The following METAP2 variants were observed in gnomAD, a reference collection of about 807,000 sequenced individuals.
The protein encoded by METAP2 is methionyl aminopeptidase 2.
In METAP2, 25 loss-of-function variants were observed where a neutral mutation model predicts 59.4. That is an observed-to-expected ratio of 0.42 (90% CI 0.31 to 0.59). METAP2 has a LOEUF of 0.59. Ranked by LOEUF, METAP2 falls within the 20% of genes least tolerant of loss-of-function variation. The pLI, the probability that METAP2 is intolerant of heterozygous loss-of-function variation, is 0.16. For missense variants in METAP2, 366 were observed against 581.2 expected, an observed-to-expected ratio of 0.63 and a Z score of 3.81; for synonymous variants, 214 against 194.1, an observed-to-expected ratio of 1.10 and a Z score of -0.85.
At position 95,504,549 on chromosome 12, in the gene METAP2, C is replaced by T. The variant is rs374219451; in HGVS notation, c.964+388C>T. On this transcript the variant is annotated intron_variant, in intron 8 of 10. Transcript: ENST00000323666. ...TCTCGTTCCGTCATCCAGGCTGGAG[C>T]GCAGTGGTGCAACCAGAGCTCACTG... Among the ~76,000 whole-genome samples, 29 of 152,280 alleles carry T rather than the reference C, an allele frequency of 1.9e-4. No individual in the cohort carries two copies. In the East Asian group the frequency reaches 4.2e-3, roughly 22 times the overall value.
chr12:95,482,600 G>C (rs2076166840), intron 2 of METAP2, among the ~76,000 whole-genome samples: 1 of 143,482 alleles, frequency 7.0e-6, no homozygotes, highest in African/African-American at 2.7e-5. Flanking sequence ...TCAACATGGC[G>C]AAACTCCATC....
chr12:95,475,305 G>T (rs2076110058), intron 1 of METAP2, among the ~76,000 whole-genome samples: 3 of 152,198 alleles, frequency 2.0e-5, no homozygotes, highest in Admixed American at 6.5e-5. Flanking sequence ...GATAGGAATG[G>T]AAGGAGAGTT....
At chr12:95,494,908 A>G (rs1046628610) in intron 5 of METAP2, 49 bp from the exon 6 acceptor site, 1 of 1,497,476 alleles carries the variant, frequency 6.7e-7, no homozygotes, top group Non-Finnish European at 9.1e-7. Flanking sequence ...TTAATATATA[A>G]AAGTAAGAAT....
chr12:95,514,667 A>G lies in METAP2; in HGVS notation c.*763A>G, dbSNP rs1250253724. The G allele has an allele frequency of 2.0e-5, 3 of 152,188 alleles. No homozygotes were observed. The highest frequency in any genetic ancestry group is 4.4e-5 in the Non-Finnish European group (3 of 68,042). 9.4% of individuals were successfully genotyped at this position (152,188 alleles called of 1,614,324 possible). A position where few individuals can be genotyped will look rare whatever the true frequency, so the allele number is the denominator to read the frequency against. ...AACTCAAAACCTTGATTTAGTAAAA[A>G]TCTCAATGTTTAGATCCTTTGTCCA... On this transcript the variant is annotated 3_prime_UTR_variant, in exon 11 of 11. Coordinates refer to ENST00000323666, the MANE Select transcript of METAP2 (RefSeq NM_006838.4).
At chr12:95,498,998 A>G (rs2076296379) in intron 7 of METAP2, among the ~76,000 whole-genome samples, 2 of 149,598 alleles carry the variant, frequency 1.3e-5, no homozygotes, top group Admixed American at 6.9e-5. Flanking sequence ...CCTGGGTAAA[A>G]AAGCAAGACC....
chr12:95,481,343 T>A (rs2076156805), intron 2 of METAP2, among the ~76,000 whole-genome samples: 1 of 152,140 alleles, frequency 6.6e-6, no homozygotes, highest in South Asian at 2.1e-4. Context: ...TCTGGGAGAT[T>A]GAGGCTGCAG....
At position 95,474,294 on chromosome 12, in the gene METAP2, A is replaced by C. The variant is rs2076101356; in HGVS notation, c.115A>C (p.Arg39=). The C allele has an allele frequency of 6.2e-7, 1 of 1,614,158 alleles. No individual in the cohort carries two copies. The highest frequency in any genetic ancestry group is 8.5e-7 in the Non-Finnish European group (1 of 1,180,004). ...GGCTGAGGAAGCAGCCAAGAAAAAA[A>C]GACGAAAGAAGAAGAAGAGCAAAGG... ...STAEEAAKKK[R]RKKKKSKGPS... The change falls in exon 1 of 11, where the codon AGA becomes CGA. Residue 39 remains arginine (R), a synonymous_variant. Coordinates refer to ENST00000323666, the MANE Select transcript of METAP2 (RefSeq NM_006838.4).
At chr12:95,495,579 G>A (rs1038796192) in intron 6 of METAP2, among the ~76,000 whole-genome samples, 3 of 152,098 alleles carry the variant, frequency 2.0e-5, no homozygotes, top group Non-Finnish European at 4.4e-5. Context: ...TTACTTACAA[G>A]TGAGAAAGCA....
At chr12:95,508,824 G>A (rs2076380907) in intron 8 of METAP2, among the ~76,000 whole-genome samples, 1 of 152,098 alleles carries the variant, frequency 6.6e-6, no homozygotes, top group Non-Finnish European at 1.5e-5. Flanking sequence ...TTAAGCTAGT[G>A]CAGCATTTTT....
At chr12:95,512,062 T>C (rs909230293) in intron 9 of METAP2, 64 bp downstream of exon 9, 15 of 1,177,816 alleles carry the variant, frequency 1.3e-5, no homozygotes, top group Non-Finnish European at 1.9e-5. Flanking sequence ...CAGAAGGTCA[T>C]GGTAGTTAAA....
chr12:95,485,752 A>T, intron 3 of METAP2, 127 bp from the exon 4 acceptor site: 1 of 628,126 alleles, frequency 1.6e-6, no homozygotes, highest in Non-Finnish European at 2.6e-6. Flanking sequence ...TTCTGCTTTT[A>T]ACTGTGGCAG....
At chr12:95,480,862 G>GT in intron 2 of METAP2, among the ~76,000 whole-genome samples, 1 of 152,274 alleles carries the variant, frequency 6.6e-6, no homozygotes, top group Non-Finnish European at 1.5e-5. Context: ...CAATCTATCT[G>GT]TTTTTTAAAT....
intron 2 of METAP2, among the ~76,000 whole-genome samples, chr12:95,477,237 A>C (rs1164753424): frequency 6.6e-6 from 1 of 151,918 alleles, no homozygotes; most frequent in Admixed American, 6.6e-5. Flanking sequence ...AGCTGGGATT[A>C]CAGGCGCCTG....
chr12:95,511,028 T>C (rs1038174980), intron 8 of METAP2, among the ~76,000 whole-genome samples: 1 of 152,192 alleles, frequency 6.6e-6, no homozygotes, highest in African/African-American at 2.4e-5. Flanking sequence ...TGTTGAATGT[T>C]ATTCCCTCGT....
chr12:95,477,500 T>C (rs1372005769), intron 2 of METAP2, among the ~76,000 whole-genome samples: 1 of 152,214 alleles, frequency 6.6e-6, no homozygotes, highest in Non-Finnish European at 1.5e-5. Flanking sequence ...CTTCTGGGTG[T>C]TTGGGTACAA....
rs931038870 is a variant in METAP2 at position 95,484,711 on chromosome 12, CT to C, written c.326-1158del. On this transcript the variant is annotated intron_variant, in intron 3 of 10. Transcript: ENST00000323666. ...TCATTATATTTCTTTATGAGGTACT[CT>C]TTTTTTTTTCTGCTTAGTATCAAGG... The C allele has an allele frequency of 1.5e-3, 518 of 339,018 alleles. 1 individual carries two copies. Among genetic ancestry groups the C allele is most frequent in the Middle Eastern group, 2.6e-3 (6 of 2,274 alleles). 21.0% of individuals were successfully genotyped at this position (339,018 alleles called of 1,614,324 possible).
At chr12:95,488,511 CAAAAAAAAAAAAAAAAAA>C (rs537119415) in intron 4 of METAP2, among the ~76,000 whole-genome samples, 1 of 76,578 alleles carries the variant, frequency 1.3e-5, no homozygotes, top group Non-Finnish European at 2.8e-5. Flanking sequence ...TTTGTCTCAC[CAAAAAAAAAAAAAAAAAA>C]AAAAAAAAAA....
chr12:95,495,894 C>A, intron 6 of METAP2, 110 bp from the exon 7 acceptor site: 1 of 669,716 alleles, frequency 1.5e-6, no homozygotes, highest in Non-Finnish European at 2.6e-6. Context: ...TTCATTTGAG[C>A]CTTCATTCTA....
Position 95,496,110 on chromosome 12 carries a change from G to C in METAP2, c.867+12G>C, listed in dbSNP as rs780641847. ...ACACTGGAATAAAGGTATGTGAACT[G>C]TAAGCACCATTTCATTCCCAATATT... On this transcript the variant is annotated intron_variant, in intron 7 of 10. Coordinates refer to ENST00000323666, the MANE Select transcript of METAP2 (RefSeq NM_006838.4). 2.4e-5 allele frequency: 36 copies of C among 1,485,866 alleles called. No homozygotes were observed. The highest frequency in any genetic ancestry group is 3.2e-5 in the Non-Finnish European group (35 of 1,077,442). The allele number at this position is 1,485,866 out of a possible 1,614,324, so 92.0% of individuals were successfully genotyped here. A position where few individuals can be genotyped will look rare whatever the true frequency, so the allele number is the denominator to read the frequency against.
Sources: allele counts gnomAD v4.1 joint callset (sites outside exome capture counted in the v4.1 genomes callset), GRCh38; gene constraint gnomAD v4.1.1; transcripts MANE v1.5; gene names NCBI Gene and HGNC (gene_info 2026-07-23, HGNC 2026-07-21).